The following AGMO variants were observed in gnomAD, a reference collection of about 807,000 sequenced individuals.
AGMO encodes the protein glyceryl-ether monooxygenase.
Under a neutral mutation model 60.2 loss-of-function variants are expected in AGMO, and 75 were observed. That is an observed-to-expected ratio of 1.25 (90% CI 1.03 to 1.51). The LOEUF is 1.51. Among genes scored for constraint, AGMO ranks in the 40% most tolerant of loss-of-function variants. The pLI, the probability that AGMO is intolerant of heterozygous loss-of-function variation, is 0.00. For missense variants in AGMO, 763 were observed against 525.5 expected, an observed-to-expected ratio of 1.45 and a Z score of -4.42; for synonymous variants, 261 against 177.1, an observed-to-expected ratio of 1.47 and a Z score of -3.76.
chr7:15,166,380 A>G, the AGMO span, among the ~76,000 whole-genome samples: 1 of 152,142 alleles, frequency 6.6e-6, no homozygotes, highest in Non-Finnish European at 1.5e-5. Flanking sequence ...TATTCAAAGG[A>G]CAGCAAATAT....
At chr7:15,236,403 T>C (rs191581699) in intron 12 of AGMO, among the ~76,000 whole-genome samples, 2 of 152,250 alleles carry the variant, frequency 1.3e-5, no homozygotes, top group African/African-American at 4.8e-5. Flanking sequence ...TGATTATGTG[T>C]TTATTAACAA....
chr7:15,540,124 C>G (rs1421118276), intron 3 of AGMO, among the ~76,000 whole-genome samples: 1 of 152,028 alleles, frequency 6.6e-6, no homozygotes, highest in Non-Finnish European at 1.5e-5. Context: ...CAGCTACTGC[C>G]TATAGAACTG....
At chr7:15,210,679 T>G (rs1266198392) in intron 12 of AGMO, among the ~76,000 whole-genome samples, 2 of 152,102 alleles carry the variant, frequency 1.3e-5, no homozygotes, top group Non-Finnish European at 2.9e-5. Context: ...TTGCATTTAA[T>G]TTTCTGTCTT....
chr7:15,354,482 GTATATACACACGTGTATATATA>G (rs1563105870), intron 12 of AGMO, among the ~76,000 whole-genome samples: 30 of 14,122 alleles, frequency 2.1e-3, no homozygotes, highest in Admixed American at 7.7e-3. Context: ...ACACACGTGT[GTATATACACACGTGTATATATA>G]TATATATATA....
intron 12 of AGMO, among the ~76,000 whole-genome samples, chr7:15,247,451 C>CAGAGAGAG (rs1368429253): frequency 3.8e-4 from 45 of 119,634 alleles, no homozygotes; most frequent in Non-Finnish European, 5.9e-4. Context: ...CACACACACA[C>CAGAGAGAG]ACACACACAG....
chr7:15,260,036 A>G (rs941798571), intron 12 of AGMO, among the ~76,000 whole-genome samples: 3 of 151,638 alleles, frequency 2.0e-5, no homozygotes, highest in East Asian at 1.9e-4. Context: ...AAAAAAACCC[A>G]AAGTATTTAG....
At chr7:15,420,671 T>C (rs1331005466) in intron 4 of AGMO, among the ~76,000 whole-genome samples, 1 of 152,188 alleles carries the variant, frequency 6.6e-6, no homozygotes, top group Non-Finnish European at 1.5e-5. Context: ...GAATCCTATA[T>C]AACTTATAAA....
chr7:15,516,906 G>T (rs1783822243), intron 3 of AGMO, among the ~76,000 whole-genome samples: 1 of 151,932 alleles, frequency 6.6e-6, no homozygotes, highest in Admixed American at 6.6e-5. Context: ...ACATTTGCTT[G>T]TATAGAATAA....
chr7:15,369,194 C>T (rs758130293), intron 10 of AGMO, among the ~76,000 whole-genome samples: 2 of 152,012 alleles, frequency 1.3e-5, no homozygotes, highest in Non-Finnish European at 2.9e-5. Context: ...ATGATCTCCC[C>T]AACAATTGTT....
intron 5 of AGMO, among the ~76,000 whole-genome samples, chr7:15,401,299 C>T (rs929221966): frequency 3.3e-5 from 5 of 152,024 alleles, no homozygotes; most frequent in African/African-American, 1.2e-4. Flanking sequence ...CTATATAATT[C>T]ATAATTATTT....
At chr7:15,188,399 A>G in the AGMO span, among the ~76,000 whole-genome samples, 1 of 152,330 alleles carries the variant, frequency 6.6e-6, no homozygotes, top group East Asian at 1.9e-4. Flanking sequence ...GGGAAGTACT[A>G]TGTAAGATTT....
At chr7:15,436,716 A>C (rs1014253649) in intron 3 of AGMO, among the ~76,000 whole-genome samples, 3 of 151,864 alleles carry the variant, frequency 2.0e-5, no homozygotes, top group Non-Finnish European at 4.4e-5. Context: ...TCTCTTTCTC[A>C]ACAGTGACTT....
chr7:15,410,304 C>A (rs1236562992), intron 5 of AGMO, among the ~76,000 whole-genome samples: 1 of 151,446 alleles, frequency 6.6e-6, no homozygotes, highest in Non-Finnish European at 1.5e-5. Context: ...GTCTGTGGAC[C>A]ACAATAATTG....
At position 15,531,351 on chromosome 7, in the gene AGMO, ATATATT is replaced by A. The variant is rs1388971645; in HGVS notation, c.409+13415_409+13420del. Among the ~76,000 whole-genome samples, 11 of 79,734 alleles carry A rather than the reference ATATATT, an allele frequency of 1.4e-4. 1 individual carries two copies. Among genetic ancestry groups the A allele is most frequent in the East Asian group, 8.4e-4 (3 of 3,584 alleles). 52.3% of individuals were successfully genotyped at this position (79,734 alleles called of 152,430 possible). On this transcript the variant is annotated intron_variant, in intron 3 of 12. Transcript: ENST00000342526. Reference sequence around the variant, plus strand: ...TATATATATTCTATATATATTCTATATATATTCTATATATATATTCTATATATATTC... The same window carrying A: ...TATATATATTCTATATATATTCTATACTATATATATATTCTATATATATTC...
intron 3 of AGMO, among the ~76,000 whole-genome samples, chr7:15,489,678 A>G (rs1357627783): frequency 6.6e-6 from 1 of 152,188 alleles, no homozygotes; most frequent in Non-Finnish European, 1.5e-5. Flanking sequence ...GTGCACACAC[A>G]AAGTCCCCAG....
At chr7:15,525,998 C>T (rs1784119775) in intron 3 of AGMO, among the ~76,000 whole-genome samples, 1 of 152,206 alleles carries the variant, frequency 6.6e-6, no homozygotes, top group African/African-American at 2.4e-5. Flanking sequence ...GGAACTCACT[C>T]CTGTGCCAGT....
At chr7:15,195,871 T>G (rs999364594), downstream of AGMO, among the ~76,000 whole-genome samples, 13 of 152,070 alleles carry the variant, frequency 8.5e-5, no homozygotes, top group African/African-American at 3.1e-4. Context: ...AAATGAAAAA[T>G]CAGACAAATG....
intron 3 of AGMO, among the ~76,000 whole-genome samples, chr7:15,502,614 G>A (rs1352003873): frequency 6.6e-6 from 1 of 151,838 alleles, no homozygotes; most frequent in Non-Finnish European, 1.5e-5. Context: ...AAATGCCGGG[G>A]TAAATTAGTC....
At chr7:15,214,090 G>A (rs1041740944) in intron 12 of AGMO, among the ~76,000 whole-genome samples, 8 of 151,770 alleles carry the variant, frequency 5.3e-5, no homozygotes, top group Non-Finnish European at 1.0e-4. Flanking sequence ...TCTCTTCAAT[G>A]AGACATAAAG....
Sources: gnomAD v4.1 joint callset for allele counts (sites outside exome capture counted in the v4.1 genomes callset) on GRCh38, gnomAD v4.1.1 for gene constraint, MANE v1.5 for transcripts, NCBI Gene and HGNC (gene_info 2026-07-23, HGNC 2026-07-21) for gene names.